NOS1AP: variants seen among roughly 807,000 people sequenced by gnomAD.
The protein encoded by NOS1AP is nitric oxide synthase 1 adaptor protein.
Under a neutral mutation model 56.2 loss-of-function variants are expected in NOS1AP, and 21 were observed. The ratio of observed to expected loss-of-function variants is 0.37; its 90% CI spans 0.26 to 0.54. The LOEUF is 0.54. Among genes scored for constraint, NOS1AP ranks in the 20% least tolerant of loss-of-function variants. NOS1AP has a pLI of 0.84. For synonymous variants in NOS1AP, 270 were observed against 274.6 expected (o/e 0.98, Z 0.17); for missense variants, 522 against 657.8 (o/e 0.79, Z 2.26).
At chr1:162,352,227 T>C (rs991378776) in intron 6 of NOS1AP, among the ~76,000 whole-genome samples, 2 of 152,112 alleles carry the variant, frequency 1.3e-5, no homozygotes, top group African/African-American at 4.8e-5. Flanking sequence ...GCCCAGCTAA[T>C]TTTTGTATTT....
chr1:162,361,698 G>A (rs1657909158), intron 8 of NOS1AP, among the ~76,000 whole-genome samples: 1 of 152,180 alleles, frequency 6.6e-6, no homozygotes, highest in Non-Finnish European at 1.5e-5. Context: ...TATTTAATCT[G>A]GTACAAGGAG....
intron 2 of NOS1AP, among the ~76,000 whole-genome samples, chr1:162,262,025 T>C (rs1174723271): frequency 3.3e-5 from 5 of 152,142 alleles, no homozygotes; most frequent in African/African-American, 9.7e-5. Flanking sequence ...TGGTAGGGCA[T>C]TGAGGGAGGC....
chr1:162,315,838 C>T (rs549868699), intron 4 of NOS1AP, among the ~76,000 whole-genome samples: 1 of 152,314 alleles, frequency 6.6e-6, no homozygotes, highest in East Asian at 1.9e-4. Flanking sequence ...TCCCTACCCC[C>T]ACAGTGGGGA....
intron 2 of NOS1AP, among the ~76,000 whole-genome samples, chr1:162,225,963 G>A (rs1652927909): frequency 6.6e-6 from 1 of 152,200 alleles, no homozygotes; most frequent in African/African-American, 2.4e-5. Flanking sequence ...AGAAACGAAA[G>A]CAAGATAAAA....
chr1:162,199,383 A>G lies in NOS1AP; in HGVS notation c.177+44907A>G, dbSNP rs373876795. On this transcript the variant is annotated intron_variant, in intron 2 of 9. Transcript: ENST00000361897. ...CCTTTAAACCCTTGTAAGGCTCCAT[A>G]GATGAAGTGAGGATAAATAGCAGGA... 9.8e-5 allele frequency among the ~76,000 whole-genome samples: 15 copies of G among 152,322 alleles called. No homozygotes were observed. The East Asian group carries it at 1.9e-3, about 20-fold the overall frequency.
At chr1:162,112,932 A>G (rs1647769121) in intron 1 of NOS1AP, among the ~76,000 whole-genome samples, 2 of 152,186 alleles carry the variant, frequency 1.3e-5, no homozygotes, top group East Asian at 1.9e-4. Context: ...CAATAAAAAG[A>G]TATGGGAATT....
chr1:162,197,179 T>C (rs1264824022), intron 2 of NOS1AP, among the ~76,000 whole-genome samples: 1 of 152,206 alleles, frequency 6.6e-6, no homozygotes, highest in Admixed American at 6.5e-5. Flanking sequence ...TAGTAAATAA[T>C]CAAGAAATAG....
intron 3 of NOS1AP, among the ~76,000 whole-genome samples, chr1:162,288,894 T>G (rs1655170873): frequency 6.6e-6 from 1 of 152,196 alleles, no homozygotes; most frequent in Non-Finnish European, 1.5e-5. Flanking sequence ...TTGCTTCTTC[T>G]CCTCTCACAT....
chr1:162,101,764 T>C (rs971789521), intron 1 of NOS1AP, among the ~76,000 whole-genome samples: 1 of 152,202 alleles, frequency 6.6e-6, no homozygotes, highest in Non-Finnish European at 1.5e-5. Flanking sequence ...TGAATAGGAA[T>C]GCTAGCAATT....
chr1:162,364,348 C>G lies in NOS1AP; in HGVS notation c.940-1056C>G, dbSNP rs547183137. 103 of 985,460 alleles carry G rather than the reference C, an allele frequency of 1.0e-4. 1 individual carries two copies. The South Asian group carries it at 4.4e-3, about 42-fold the overall frequency. The allele number at this position is 985,460 out of a possible 1,614,324, so 61.0% of individuals were successfully genotyped here. The stretch of plus-strand genomic sequence containing the variant: ...TAAAAATTCATTAGTTCCCTTTCTT[C>G]AGGGGCCTTCTGAAATGCTCCCTGG... On this transcript the variant is annotated intron_variant, in intron 8 of 9. Coordinates refer to ENST00000361897, the MANE Select transcript of NOS1AP (RefSeq NM_014697.3).
At chr1:162,074,434 G>A (rs1298122313) in intron 1 of NOS1AP, among the ~76,000 whole-genome samples, 1 of 152,108 alleles carries the variant, frequency 6.6e-6, no homozygotes, top group Non-Finnish European at 1.5e-5. Context: ...GATACAGATG[G>A]TCAGAACTGG....
chr1:162,284,034 G>T (rs1272677132), intron 2 of NOS1AP, among the ~76,000 whole-genome samples: 1 of 152,202 alleles, frequency 6.6e-6, no homozygotes, highest in Admixed American at 6.5e-5. Context: ...TTCCTCCAGA[G>T]CTCACCTGCC....
At chr1:162,169,402 A>G (rs883338) in intron 2 of NOS1AP, among the ~76,000 whole-genome samples, 149,399 of 152,344 alleles carry the variant, frequency 0.98, 73,318 homozygotes, top group East Asian at 1. Flanking sequence ...TGGGGGTGCT[A>G]ATGAGGAGTC....
chr1:162,091,957 G>A (rs971485598), intron 1 of NOS1AP, among the ~76,000 whole-genome samples: 7 of 152,166 alleles, frequency 4.6e-5, no homozygotes, highest in Non-Finnish European at 8.8e-5. Context: ...ACGGAGTGCT[G>A]GAGTTGGAAG....
intron 1 of NOS1AP, among the ~76,000 whole-genome samples, chr1:162,087,927 T>C (rs530878895): frequency 6.6e-6 from 1 of 152,300 alleles, no homozygotes; most frequent in African/African-American, 2.4e-5. Flanking sequence ...GCAGGATTTA[T>C]CCATTATTTG....
chr1:162,077,212 TC>T (rs1691787992), intron 1 of NOS1AP, among the ~76,000 whole-genome samples: 1 of 152,238 alleles, frequency 6.6e-6, no homozygotes, highest in East Asian at 1.9e-4. Context: ...GTTCATATCT[TC>T]ACCAATGCTT....
rs530184856 is a variant in NOS1AP, at chr1:162,216,453, C to T, written c.177+61977C>T. Among the ~76,000 whole-genome samples, 11 of 152,318 alleles carry T rather than the reference C, an allele frequency of 7.2e-5. No homozygotes were observed. In the South Asian group the frequency reaches 1.9e-3, roughly 26 times the overall value. ...ATCAGTGCCTAGACAATCACTGGAC[C>T]ATTTCCTTCTAGAGCGGGCTTTACA... is the stretch of plus-strand genomic sequence containing the variant. On this transcript the variant is annotated intron_variant, in intron 2 of 9. Transcript: ENST00000361897.
Position 162,275,672 on chromosome 1 carries a change from A to G in NOS1AP, c.178-11672A>G, listed in dbSNP as rs528016911. 2.8e-4 allele frequency among the ~76,000 whole-genome samples: 43 copies of G among 152,186 alleles called. 1 individual carries two copies. The South Asian group carries it at 4.4e-3, about 15-fold the overall frequency. Reference sequence around the variant, plus strand: ...TTTCCTATGGGAAAATAATCCCAGGATTAGGATTTTGCAGTTTGTAGTGGG... The same window carrying G: ...TTTCCTATGGGAAAATAATCCCAGGGTTAGGATTTTGCAGTTTGTAGTGGG... On this transcript the variant is annotated intron_variant, in intron 2 of 9. Coordinates refer to ENST00000361897, the MANE Select transcript of NOS1AP (RefSeq NM_014697.3).
At chr1:162,326,463 C>T (rs1459506144) in intron 4 of NOS1AP, among the ~76,000 whole-genome samples, 1 of 152,164 alleles carries the variant, frequency 6.6e-6, no homozygotes, top group Admixed American at 6.5e-5. Context: ...GGTGTGCATG[C>T]TTACACATAT....
Sources: allele counts gnomAD v4.1 joint callset (sites outside exome capture counted in the v4.1 genomes callset), GRCh38; gene constraint gnomAD v4.1.1; transcripts MANE v1.5; gene names NCBI Gene and HGNC (gene_info 2026-07-23, HGNC 2026-07-21).